EXOC6: variants seen among roughly 807,000 people sequenced by gnomAD.
EXOC6 encodes the protein SEC15-like 1.
EXOC6 carries 60 observed loss-of-function variants against 112.5 expected under a neutral mutation model. That is an observed-to-expected ratio of 0.53 (90% confidence interval 0.43 to 0.66). The LOEUF is 0.66. Ranked by LOEUF, EXOC6 falls within the 30% of genes least tolerant of loss-of-function variation. The pLI is 0.00. For synonymous variants in EXOC6, 295 were observed against 308.0 expected (o/e 0.96, Z 0.44); for missense variants, 855 against 957.1 (o/e 0.89, Z 1.41).
chr10:92,830,658 C>T (rs1000591987), upstream of EXOC6, among the ~76,000 whole-genome samples: 1 of 152,152 alleles, frequency 6.6e-6, no homozygotes. Flanking sequence ...ATCAGTAGCA[C>T]CACCCACCTC....
At chr10:92,915,636 C>A in intron 6 of EXOC6, 122 bp from the exon 7 acceptor site, 3 of 395,874 alleles carry the variant, frequency 7.6e-6, no homozygotes, top group Non-Finnish European at 4.4e-6. Context: ...AAGGAGACAT[C>A]ACTACAAATT....
intron 21 of EXOC6, 93 bp downstream of exon 21, chr10:93,057,129 A>G (rs1401861478): frequency 1.5e-6 from 1 of 676,200 alleles, no homozygotes; most frequent in East Asian, 3.0e-5. Context: ...CAAAAAAGAA[A>G]AGTCTAGATG....
In EXOC6 at chr10:92,952,134, A is replaced by C. The variant is rs539912025; in HGVS notation, c.1417-139A>C. The C allele has an allele frequency of 3.9e-5, 23 of 589,250 alleles. No homozygotes were observed. In the South Asian group the frequency reaches 5.1e-4, roughly 13 times the overall value. 36.5% of individuals were successfully genotyped at this position (589,250 alleles called of 1,614,324 possible). A position where few individuals can be genotyped will look rare whatever the true frequency, so the allele number is the denominator to read the frequency against. On this transcript the variant is annotated intron_variant, in intron 14 of 21. Transcript: ENST00000260762. ...TCAGAAATATTTTGATAAAATATCA[A>C]AAATGTAGAAATATAACAGAGTTTT...
At chr10:92,880,246 A>G (rs565240462) in intron 1 of EXOC6, among the ~76,000 whole-genome samples, 1 of 152,342 alleles carries the variant, frequency 6.6e-6, no homozygotes, top group South Asian at 2.1e-4. Flanking sequence ...ATAATACCTA[A>G]TAACAATGTA....
intron 1 of EXOC6, among the ~76,000 whole-genome samples, chr10:92,843,395 C>G (rs2133595579): frequency 6.6e-6 from 1 of 152,362 alleles, no homozygotes; most frequent in South Asian, 2.1e-4. Flanking sequence ...TGTATAAAGA[C>G]TGCCTGTACT....
intron 1 of EXOC6, among the ~76,000 whole-genome samples, chr10:92,827,474 CAAAAAAAAA>C (rs60863083): frequency 3.3e-4 from 11 of 33,208 alleles, no homozygotes; most frequent in East Asian, 2.3e-3. Flanking sequence ...GCCCTGTTGC[CAAAAAAAAA>C]AAAAAAAAAA....
At chr10:92,971,156 A>G (rs1039621141) in intron 17 of EXOC6, among the ~76,000 whole-genome samples, 2 of 151,970 alleles carry the variant, frequency 1.3e-5, no homozygotes, top group Admixed American at 6.6e-5. Flanking sequence ...GGTTCATGCC[A>G]TTCTCCTGCC....
At chr10:93,019,574 G>A (rs1183955922) in intron 20 of EXOC6, among the ~76,000 whole-genome samples, 2 of 152,040 alleles carry the variant, frequency 1.3e-5, no homozygotes, top group African/African-American at 2.4e-5. Flanking sequence ...ATTTTACCAA[G>A]GATTTGACTA....
intron 1 of EXOC6, among the ~76,000 whole-genome samples, chr10:92,884,509 T>A (rs1455361531): frequency 6.6e-6 from 1 of 152,222 alleles, no homozygotes; most frequent in Non-Finnish European, 1.5e-5. Flanking sequence ...GCAACCAGTA[T>A]ATGTATTCTG....
chr10:93,022,990 CTTTTT>C (rs768020281), intron 20 of EXOC6, among the ~76,000 whole-genome samples: 3 of 123,928 alleles, frequency 2.4e-5, no homozygotes, highest in Non-Finnish European at 5.3e-5. Flanking sequence ...ACTTTTCCTT[CTTTTT>C]TTTTTTTTTT....
intron 1 of EXOC6, among the ~76,000 whole-genome samples, chr10:92,890,330 T>G (rs1234371685): frequency 6.6e-6 from 1 of 152,220 alleles, no homozygotes; most frequent in Non-Finnish European, 1.5e-5. Context: ...ACTTAGAGAA[T>G]TCAGGTGGCT....
intron 1 of EXOC6, among the ~76,000 whole-genome samples, chr10:92,857,172 T>G (rs1847644968): frequency 6.6e-6 from 1 of 151,936 alleles, no homozygotes; most frequent in Admixed American, 6.6e-5. Context: ...CTTCCTTTTT[T>G]TTTTTGCTCC....
chr10:92,963,588 A>G (rs1564867185), intron 17 of EXOC6, among the ~76,000 whole-genome samples: 1 of 151,210 alleles, frequency 6.6e-6, no homozygotes, highest in Non-Finnish European at 1.5e-5. Flanking sequence ...CCTGGGCTCA[A>G]GTGATCTTCC....
chr10:92,978,542 AT>A (rs1842718117), intron 18 of EXOC6, among the ~76,000 whole-genome samples: 1 of 152,228 alleles, frequency 6.6e-6, no homozygotes, highest in Non-Finnish European at 1.5e-5. Flanking sequence ...GAGTGATTAT[AT>A]TATTGCTTTG....
At chr10:92,886,262 T>A (rs542975082) in intron 1 of EXOC6, among the ~76,000 whole-genome samples, 1 of 152,146 alleles carries the variant, frequency 6.6e-6, no homozygotes, top group Non-Finnish European at 1.5e-5. Flanking sequence ...AAAAGAAAAA[T>A]AGCTTTTTCA....
chr10:92,858,520 C>CA (rs1287149648), intron 1 of EXOC6, among the ~76,000 whole-genome samples: 2 of 152,202 alleles, frequency 1.3e-5, no homozygotes, highest in Non-Finnish European at 1.5e-5. Context: ...TCTGCCAATT[C>CA]ACATCCACTG....
chr10:92,854,359 C>T (rs1479297383), intron 1 of EXOC6, among the ~76,000 whole-genome samples: 2 of 151,824 alleles, frequency 1.3e-5, no homozygotes, highest in African/African-American at 4.8e-5. Context: ...ATCACTTGAA[C>T]CTGGGAGGCG....
At chr10:92,976,677 T>TAA (rs1252442686) in intron 18 of EXOC6, among the ~76,000 whole-genome samples, 1 of 141,496 alleles carries the variant, frequency 7.1e-6, no homozygotes. Context: ...AAATAATAAA[T>TAA]TAAAAAAAAA....
intron 18 of EXOC6, 121 bp from the exon 19 acceptor site, chr10:92,997,353 C>A (rs779400407): frequency 6.5e-6 from 5 of 771,328 alleles, no homozygotes; most frequent in Non-Finnish European, 7.7e-6. Flanking sequence ...AGGAAAGTAA[C>A]CACTATTGTA....
Sources: gnomAD v4.1 joint callset for allele counts (sites outside exome capture counted in the v4.1 genomes callset) on GRCh38, gnomAD v4.1.1 for gene constraint, MANE v1.5 for transcripts, NCBI Gene and HGNC (gene_info 2026-07-23, HGNC 2026-07-21) for gene names.